Variants in TMEM108 observed in about 807,000 individuals in gnomAD.
TMEM108 encodes cancer/testis antigen 124.
Under a neutral mutation model 35.1 loss-of-function variants are expected in TMEM108, and 12 were observed. That is an observed-to-expected ratio of 0.34 (90% CI 0.22 to 0.55). The LOEUF (loss-of-function observed/expected upper bound fraction) is 0.55, where lower values mean the gene tolerates loss of function less well. TMEM108 is among the 20% of genes least tolerant of loss of function. TMEM108 has a pLI of 0.89. For missense variants in TMEM108, 680 were observed against 753.3 expected (o/e 0.90, Z 1.14); for synonymous variants, 287 against 308.6 (o/e 0.93, Z 0.73).
At chr3:133,085,873 A>G (rs1184063796) in intron 2 of TMEM108, among the ~76,000 whole-genome samples, 1 of 152,190 alleles carries the variant, frequency 6.6e-6, no homozygotes, top group Non-Finnish European at 1.5e-5. Context: ...TGAGATTTTT[A>G]AAAAAGTATT....
intron 2 of TMEM108, among the ~76,000 whole-genome samples, chr3:133,083,645 C>G (rs569503899): frequency 6.6e-6 from 1 of 152,062 alleles, no homozygotes; most frequent in Non-Finnish European, 1.5e-5. Context: ...TTTCATGTCC[C>G]TGAAGTAATG....
At position 133,240,118 on chromosome 3, in the gene TMEM108, T is replaced by A. The variant is rs1167559996; in HGVS notation, c.40+10767T>A. On this transcript the variant is annotated intron_variant, in intron 3 of 5. Transcript: ENST00000321871. ...TGATTTTATAAGACTTTTTTTCTTA[T>A]GCTGTGTAATTCTTTTGCAAATCAA... Among the ~76,000 whole-genome samples the A allele has an allele frequency of 5.3e-5, 8 of 152,250 alleles. No homozygotes were observed. The East Asian group carries it at 1.5e-3, about 29-fold the overall frequency.
At chr3:133,361,312 C>A (rs2072342220) in intron 3 of TMEM108, among the ~76,000 whole-genome samples, 1 of 152,226 alleles carries the variant, frequency 6.6e-6, no homozygotes, top group Non-Finnish European at 1.5e-5. Flanking sequence ...TGTGGCTCAG[C>A]TCTGCTACAT....
chr3:133,146,295 T>A (rs1251442006), intron 2 of TMEM108, among the ~76,000 whole-genome samples: 2 of 152,244 alleles, frequency 1.3e-5, no homozygotes, highest in East Asian at 3.8e-4. Flanking sequence ...GAACCAGCCT[T>A]GCATCCCTGG....
chr3:133,176,415 GT>G (rs1333996404), intron 2 of TMEM108, among the ~76,000 whole-genome samples: 2 of 152,096 alleles, frequency 1.3e-5, no homozygotes, highest in Non-Finnish European at 2.9e-5. Flanking sequence ...TGACCACATA[GT>G]TGGAAGTAAA....
At chr3:133,131,491 G>A (rs1423815363) in intron 2 of TMEM108, among the ~76,000 whole-genome samples, 2 of 147,566 alleles carry the variant, frequency 1.4e-5, no homozygotes, top group Non-Finnish European at 3.0e-5. Context: ...ATGGTGATCA[G>A]TGATCTTTGA....
chr3:133,156,704 G>A (rs921591800), intron 2 of TMEM108, among the ~76,000 whole-genome samples: 2 of 152,164 alleles, frequency 1.3e-5, no homozygotes, highest in African/African-American at 4.8e-5. Context: ...GTCCACCTCT[G>A]TGCCTTTTAA....
At position 133,045,143 on chromosome 3, in the gene TMEM108, A is replaced by G. The variant is rs779317826; in HGVS notation, c.-165-759A>G. 6.4e-4 allele frequency among the ~76,000 whole-genome samples: 97 copies of G among 151,702 alleles called. 1 individual carries two copies. Among genetic ancestry groups the G allele is most frequent in the Middle Eastern group, 6.8e-3 (2 of 292 alleles). On this transcript the variant is annotated intron_variant, in intron 1 of 5. Coordinates refer to ENST00000321871, the MANE Select transcript of TMEM108 (RefSeq NM_023943.4). ...CCACCATGCCCGGCTAATTTTTTGT[A>G]TTTTTTAATAGAGACGGGGTTTCAC...
intron 2 of TMEM108, among the ~76,000 whole-genome samples, chr3:133,081,489 A>T (rs760105942): frequency 1.3e-5 from 2 of 152,342 alleles, no homozygotes; most frequent in South Asian, 4.1e-4. Flanking sequence ...GGGCTTCAAC[A>T]TATGAATTTG....
chr3:133,379,931 C>A lies in TMEM108; in HGVS notation c.220C>A (p.Pro74Thr), dbSNP rs1415982813. The A allele has an allele frequency of 1.9e-6, 3 of 1,613,848 alleles. No individual in the cohort carries two copies. Among genetic ancestry groups the A allele is most frequent in the Non-Finnish European group, 2.5e-6 (3 of 1,179,884 alleles). Residue 74 changes from proline (P) to threonine (T), a missense_variant, in exon 4 of 6, where the codon CCC becomes ACC. Pro to Thr is a conservative substitution (Grantham distance 38). Around this residue, in one of 3 missense-constraint regions of TMEM108, gnomAD observed 526 missense variants for 532.1 expected, o/e 0.99. Coordinates refer to ENST00000321871, the MANE Select transcript of TMEM108 (RefSeq NM_023943.4). ...VMLTPNPDGPPSQAAAPMATP... is the reference protein window; with the variant it reads ...VMLTPNPDGPTSQAAAPMATP... ...GCTGACCCCCAATCCCGATGGACCC[C>A]CCTCACAGGCTGCAGCTCCCATGGC...
intron 3 of TMEM108, among the ~76,000 whole-genome samples, chr3:133,274,721 A>G (rs7639076): frequency 0.62 from 93,534 of 152,040 alleles, 28,735 homozygotes; most frequent in South Asian, 0.65. Context: ...AATAATAACA[A>G]CCATTTCCCT....
At chr3:133,111,067 T>A (rs574370572) in intron 2 of TMEM108, among the ~76,000 whole-genome samples, 4 of 152,198 alleles carry the variant, frequency 2.6e-5, no homozygotes, top group Non-Finnish European at 5.9e-5. Context: ...GGGCCATAGA[T>A]GTGTGCTCAT....
intron 3 of TMEM108, among the ~76,000 whole-genome samples, chr3:133,276,582 C>G (rs1032564528): frequency 2.0e-5 from 3 of 152,056 alleles, no homozygotes; most frequent in Non-Finnish European, 4.4e-5. Flanking sequence ...TTATGTAGCC[C>G]CTGATTTGGG....
chr3:133,118,919 T>C (rs1241592162), intron 2 of TMEM108: 1 of 152,182 alleles, frequency 6.6e-6, no homozygotes, highest in East Asian at 1.9e-4. Context: ...CTTTTTCTAA[T>C]AGCATAGACT....
At chr3:133,049,103 A>T (rs982565869) in intron 2 of TMEM108, among the ~76,000 whole-genome samples, 2 of 152,182 alleles carry the variant, frequency 1.3e-5, no homozygotes, top group East Asian at 3.9e-4. Context: ...TACTTCTTAC[A>T]AATGATGTCT....
chr3:133,115,935 A>G (rs1944283072), intron 2 of TMEM108, among the ~76,000 whole-genome samples: 1 of 152,206 alleles, frequency 6.6e-6, no homozygotes, highest in South Asian at 2.1e-4. Context: ...TGCCTGTCTT[A>G]TTCAACTGAT....
chr3:133,295,033 C>T (rs186244999), intron 3 of TMEM108, among the ~76,000 whole-genome samples: 1 of 152,222 alleles, frequency 6.6e-6, no homozygotes, highest in East Asian at 1.9e-4. Context: ...TATGAAGTAT[C>T]CCCTCCCCAC....
At chr3:133,204,870 C>G (rs989070939) in intron 2 of TMEM108, among the ~76,000 whole-genome samples, 1 of 152,128 alleles carries the variant, frequency 6.6e-6, no homozygotes, top group Non-Finnish European at 1.5e-5. Flanking sequence ...AATTTATTGT[C>G]TCATTGATCT....
intron 3 of TMEM108, among the ~76,000 whole-genome samples, chr3:133,320,610 A>C (rs1443470933): frequency 6.6e-6 from 1 of 152,238 alleles, no homozygotes; most frequent in Non-Finnish European, 1.5e-5. Flanking sequence ...GGAATAATCA[A>C]GGAAAACTTT....
Sources: gnomAD v4.1 joint callset for allele counts (sites outside exome capture counted in the v4.1 genomes callset) on GRCh38, gnomAD v4.1.1 for gene constraint, gnomAD v4.1.1 regional missense constraint, MANE v1.5 for transcripts, NCBI Gene and HGNC (gene_info 2026-07-23, HGNC 2026-07-21) for gene names.